STIM2: variants seen among roughly 807,000 people sequenced by gnomAD.
STIM2 encodes stromal interaction molecule 2.
STIM2 carries 31 observed loss-of-function variants against 85.8 expected under a neutral mutation model. That is an observed-to-expected ratio of 0.36 (90% confidence interval 0.27 to 0.49). The LOEUF (loss-of-function observed/expected upper bound fraction) is 0.49, where lower values mean the gene tolerates loss of function less well. STIM2 is among the 20% of genes least tolerant of loss of function. The probability of loss-of-function intolerance (pLI) is 0.98; values close to 1 mark genes in which losing one functional copy is unlikely to be tolerated. For synonymous variants in STIM2, 356 were observed against 331.1 expected, an observed-to-expected ratio of 1.08 and a Z score of -0.82; for missense variants, 841 against 927.6, an observed-to-expected ratio of 0.91 and a Z score of 1.21.
rs773180069 is a variant in STIM2, at chr4:26,995,500, T to C, written c.509+10T>C. On this transcript the variant is annotated intron_variant, in intron 4 of 11. Transcript: ENST00000467087. ...GAACGACACTTCCCAGGTGAGTCTTTGTTATGCAAATGTATTTTCCACTCA... is the reference window on the plus strand; with the variant it reads ...GAACGACACTTCCCAGGTGAGTCTTCGTTATGCAAATGTATTTTCCACTCA... 5 of 1,544,984 alleles carry C rather than the reference T, an allele frequency of 3.2e-6. No homozygotes were observed. Among genetic ancestry groups the C allele is most frequent in the Non-Finnish European group, 4.4e-6 (5 of 1,132,966 alleles).
intron 4 of STIM2, among the ~76,000 whole-genome samples, chr4:26,997,120 T>G (rs1178975256): frequency 6.6e-6 from 1 of 152,174 alleles, no homozygotes; most frequent in African/African-American, 2.4e-5. Context: ...GCCCCTATTA[T>G]ATAGTAATGG....
Position 26,983,623 on chromosome 4 carries a change from A to G in STIM2, c.398-11756A>G, listed in dbSNP as rs569036225. Among the ~76,000 whole-genome samples, 2 of 152,348 alleles carry G rather than the reference A, an allele frequency of 1.3e-5. 1 individual carries two copies. The highest frequency in any genetic ancestry group is 4.1e-4 in the South Asian group (2 of 4,824). Reference sequence around the variant, plus strand: ...TATTATTGAAGAAATCAAGGTTTACAAGTTCTGAATGTATTGTGTCTTCTT... The same window carrying G: ...TATTATTGAAGAAATCAAGGTTTACGAGTTCTGAATGTATTGTGTCTTCTT... On this transcript the variant is annotated intron_variant, in intron 3 of 11. Coordinates refer to ENST00000467087, the MANE Select transcript of STIM2 (RefSeq NM_020860.4).
Position 26,934,984 on chromosome 4 carries a change from A to G in STIM2, c.282+15350A>G, listed in dbSNP as rs576459260. On this transcript the variant is annotated intron_variant, in intron 2 of 11. Transcript: ENST00000467087. ...CTAGTTTAGGGAAAAAAAGCAGAGA[A>G]TGAGTGAGGCAGAAAGTGTAGATAT... Among the ~76,000 whole-genome samples the G allele has an allele frequency of 1.4e-4, 21 of 152,138 alleles. No homozygotes were observed. The East Asian group carries it at 2.9e-3, about 21-fold the overall frequency.
chr4:26,873,381 CAG>C (rs1275318254), intron 1 of STIM2, among the ~76,000 whole-genome samples: 1 of 150,926 alleles, frequency 6.6e-6, no homozygotes, highest in Non-Finnish European at 1.5e-5. Flanking sequence ...GCCTGGGTGA[CAG>C]AGTGAGACTC....
At chr4:26,885,836 T>C (rs1312288929) in intron 1 of STIM2, among the ~76,000 whole-genome samples, 3 of 28,572 alleles carry the variant, frequency 1.0e-4, no homozygotes, top group East Asian at 1.3e-3. Flanking sequence ...TATATATATA[T>C]ATATATATAT....
chr4:26,886,101 G>A (rs2109040931), intron 1 of STIM2, among the ~76,000 whole-genome samples: 1 of 151,942 alleles, frequency 6.6e-6, no homozygotes, highest in African/African-American at 2.4e-5. Context: ...GAGGAGAACT[G>A]TGACGGGCAG....
intron 11 of STIM2, among the ~76,000 whole-genome samples, chr4:27,019,783 G>A (rs1260552640): frequency 6.6e-6 from 1 of 151,240 alleles, no homozygotes; most frequent in Non-Finnish European, 1.5e-5. Context: ...TCTTACATGT[G>A]AATTCAACTC....
At chr4:26,869,131 C>CA (rs1030936583) in intron 1 of STIM2, among the ~76,000 whole-genome samples, 9 of 151,726 alleles carry the variant, frequency 5.9e-5, no homozygotes, top group African/African-American at 2.2e-4. Flanking sequence ...CCCATCTCCT[C>CA]AAAAAATACA....
At chr4:26,995,113 A>T (rs1727906416) in intron 3 of STIM2, among the ~76,000 whole-genome samples, 1 of 152,134 alleles carries the variant, frequency 6.6e-6, no homozygotes, top group Non-Finnish European at 1.5e-5. Flanking sequence ...CAGAAAAATG[A>T]TAGATTATTT....
At chr4:26,947,647 C>A (rs1175495432) in intron 2 of STIM2, among the ~76,000 whole-genome samples, 3 of 152,108 alleles carry the variant, frequency 2.0e-5, no homozygotes, top group Non-Finnish European at 4.4e-5. Context: ...CACGTGAGAC[C>A]CCATCTTCCT....
intron 10 of STIM2, among the ~76,000 whole-genome samples, chr4:27,015,923 G>T (rs1249460858): frequency 6.7e-6 from 1 of 149,632 alleles, no homozygotes; most frequent in East Asian, 1.9e-4. Context: ...TGGAATATTA[G>T]TTATGTAGAA....
chr4:26,873,889 C>T, intron 1 of STIM2: 1 of 1,352,174 alleles, frequency 7.4e-7, no homozygotes, highest in Non-Finnish European at 1.0e-6. Context: ...GCTCCTTCTC[C>T]CAGGGGTCTG....
chr4:26,997,937 C>T (rs1228309176), intron 4 of STIM2, among the ~76,000 whole-genome samples: 4 of 152,174 alleles, frequency 2.6e-5, no homozygotes, highest in African/African-American at 9.7e-5. Flanking sequence ...TGATATCTTT[C>T]TATACAAAAT....
At position 27,003,113 on chromosome 4, in the gene STIM2, A is replaced by G; in HGVS notation, c.981+9A>G. The G allele has an allele frequency of 2.6e-6, 4 of 1,556,690 alleles. No individual in the cohort carries two copies. The highest frequency in any genetic ancestry group is 3.4e-6 in the Non-Finnish European group (4 of 1,161,316). On this transcript the variant is annotated intron_variant, in intron 7 of 11. Transcript: ENST00000467087. ...AACAGGAATTGGAACAGGTATTTAC[A>G]TTAAAAAAAAAATCACTTGTAAAGA...
intron 5 of STIM2, among the ~76,000 whole-genome samples, chr4:27,001,579 T>C (rs1728156751): frequency 6.6e-6 from 1 of 152,190 alleles, no homozygotes; most frequent in African/African-American, 2.4e-5. Flanking sequence ...GAGGAGGTTG[T>C]CTTGCGCACT....
chr4:26,923,468 G>A (rs1724888318), intron 2 of STIM2, among the ~76,000 whole-genome samples: 1 of 149,736 alleles, frequency 6.7e-6, no homozygotes, highest in African/African-American at 2.5e-5. Context: ...TTATAGACAA[G>A]CAAATGCTGA....
At chr4:26,897,530 A>G (rs1723753159) in intron 1 of STIM2, among the ~76,000 whole-genome samples, 1 of 152,204 alleles carries the variant, frequency 6.6e-6, no homozygotes, top group Non-Finnish European at 1.5e-5. Context: ...AATTTCTATT[A>G]TCAAGCTTCA....
intron 1 of STIM2, among the ~76,000 whole-genome samples, chr4:26,886,383 CAA>C (rs35943643): frequency 2.8e-3 from 431 of 152,050 alleles, no homozygotes; most frequent in South Asian, 7.3e-3. Context: ...AACAAGTAGA[CAA>C]ATATTTATCA....
At chr4:26,915,117 C>T (rs1724487624) in intron 1 of STIM2, among the ~76,000 whole-genome samples, 3 of 152,140 alleles carry the variant, frequency 2.0e-5, no homozygotes, top group Admixed American at 2.0e-4. Context: ...CTTACTTCCT[C>T]ATCTGGAAAA....
Sources: gnomAD v4.1 joint callset for allele counts (sites outside exome capture counted in the v4.1 genomes callset) on GRCh38, gnomAD v4.1.1 for gene constraint, MANE v1.5 for transcripts, NCBI Gene and HGNC (gene_info 2026-07-23, HGNC 2026-07-21) for gene names.